Variants in PREX2 observed in about 807,000 individuals in gnomAD.
The protein encoded by PREX2 is phosphatidylinositol 3,4,5-trisphosphate-dependent Rac exchanger 2 protein.
Under a neutral mutation model 203.2 loss-of-function variants are expected in PREX2, and 107 were observed. That is an observed-to-expected ratio of 0.53 (90% CI 0.45 to 0.62). The LOEUF is 0.62. Ranked by LOEUF, PREX2 falls within the 20% of genes least tolerant of loss-of-function variation. PREX2 has a pLI of 0.00. For missense variants in PREX2, 1,777 were observed against 1,955.9 expected, an observed-to-expected ratio of 0.91 and a Z score of 1.72; for synonymous variants, 672 against 663.6, an observed-to-expected ratio of 1.01 and a Z score of -0.19.
intron 32 of PREX2, among the ~76,000 whole-genome samples, chr8:68,134,851 A>G (rs1380779255): frequency 6.6e-6 from 1 of 152,370 alleles, no homozygotes. Context: ...CACAGTGGAT[A>G]TGATGAAAGC....
intron 39 of PREX2, among the ~76,000 whole-genome samples, chr8:68,230,618 G>C (rs73683417): frequency 0.11 from 16,047 of 152,110 alleles, 1,674 homozygotes; most frequent in East Asian, 0.45. Context: ...TTGTGTGACT[G>C]TAGTTAAACC....
chr8:68,229,494 T>C (rs1813124111), intron 39 of PREX2, among the ~76,000 whole-genome samples: 1 of 152,194 alleles, frequency 6.6e-6, no homozygotes, highest in Non-Finnish European at 1.5e-5. Flanking sequence ...ATTACAAATG[T>C]GTTTGAACTC....
intron 1 of PREX2, among the ~76,000 whole-genome samples, chr8:67,975,790 G>A (rs992480014): frequency 8.8e-5 from 11 of 124,918 alleles, no homozygotes; most frequent in Admixed American, 3.2e-4. Flanking sequence ...TGGAATCTCC[G>A]CTTCTCGGGT....
intron 35 of PREX2, among the ~76,000 whole-genome samples, chr8:68,161,546 T>C (rs1483120071): frequency 6.6e-6 from 1 of 152,188 alleles, no homozygotes; most frequent in Admixed American, 6.5e-5. Flanking sequence ...TCAGCCAACT[T>C]GATCACACAC....
chr8:67,985,926 C>T (rs536647893), intron 1 of PREX2, among the ~76,000 whole-genome samples: 1 of 152,096 alleles, frequency 6.6e-6, no homozygotes, highest in Non-Finnish European at 1.5e-5. Context: ...TGGTTTCTAG[C>T]AGGGAACACA....
At position 68,234,895 on chromosome 8, in the gene PREX2, A is replaced by G. The variant is rs1013710207; in HGVS notation, c.*3517A>G. On this transcript the variant is annotated 3_prime_UTR_variant, in exon 40 of 40. Transcript: ENST00000288368. ...TTAATTTAAATTTTGGGATCATTACATTCAGAATGAAATGAAATTGACCTT... is the reference window on the plus strand; with the variant it reads ...TTAATTTAAATTTTGGGATCATTACGTTCAGAATGAAATGAAATTGACCTT... The G allele has an allele frequency of 6.6e-6, 1 of 152,190 alleles. No individual in the cohort carries two copies. Among genetic ancestry groups the G allele is most frequent in the East Asian group, 1.9e-4 (1 of 5,194 alleles). The allele number at this position is 152,190 out of a possible 1,614,324, so 9.4% of individuals were successfully genotyped here.
chr8:67,960,087 C>G (rs1805593347), intron 1 of PREX2, among the ~76,000 whole-genome samples: 1 of 152,066 alleles, frequency 6.6e-6, no homozygotes, highest in Non-Finnish European at 1.5e-5. Flanking sequence ...ATCGCCCAGG[C>G]TGGAGTGCAG....
chr8:68,127,965 A>C (rs1810928635), intron 31 of PREX2, among the ~76,000 whole-genome samples: 1 of 152,208 alleles, frequency 6.6e-6, no homozygotes, highest in South Asian at 2.1e-4. Context: ...GCAAATGCCT[A>C]AAATAGTGGC....
intron 14 of PREX2, among the ~76,000 whole-genome samples, chr8:68,076,909 G>A (rs367740237): frequency 6.6e-6 from 1 of 151,912 alleles, no homozygotes; most frequent in South Asian, 2.1e-4. Flanking sequence ...CGATTTACTT[G>A]TAAGGTCTTA....
intron 39 of PREX2, among the ~76,000 whole-genome samples, chr8:68,230,778 G>A (rs1813152971): frequency 6.6e-6 from 1 of 152,104 alleles, no homozygotes; most frequent in Non-Finnish European, 1.5e-5. Context: ...GCAGAGCTGG[G>A]TAATTTATCC....
Position 68,080,604 on chromosome 8 carries a change from T to C in PREX2, c.1785+19T>C. 6.4e-7 allele frequency: 1 copy of C among 1,568,360 alleles called. No homozygotes were observed. The highest frequency in any genetic ancestry group is 8.7e-7 in the Non-Finnish European group (1 of 1,149,182). ...ATTATTGGTAAGTTTATTGATATGTTATATAAGTTTTCTTCTTGATTAGAC... is the reference window on the plus strand; with the variant it reads ...ATTATTGGTAAGTTTATTGATATGTCATATAAGTTTTCTTCTTGATTAGAC... On this transcript the variant is annotated intron_variant, in intron 16 of 39. Coordinates refer to ENST00000288368, the MANE Select transcript of PREX2 (RefSeq NM_024870.4).
intron 37 of PREX2, among the ~76,000 whole-genome samples, chr8:68,204,538 A>T (rs1033764948): frequency 6.6e-6 from 1 of 151,920 alleles, no homozygotes; most frequent in African/African-American, 2.4e-5. Flanking sequence ...TGGAGTATTC[A>T]ATCAAGTTCT....
At chr8:68,161,809 G>A (rs1811660111) in intron 35 of PREX2, among the ~76,000 whole-genome samples, 1 of 151,972 alleles carries the variant, frequency 6.6e-6, no homozygotes, top group Non-Finnish European at 1.5e-5. Flanking sequence ...TACACATACT[G>A]ATTACAGTTT....
intron 31 of PREX2, among the ~76,000 whole-genome samples, chr8:68,131,611 G>A (rs920845746): frequency 2.0e-5 from 3 of 152,168 alleles, no homozygotes; most frequent in Non-Finnish European, 4.4e-5. Context: ...TGATAAAGAG[G>A]TTGAAGGAAA....
intron 1 of PREX2, among the ~76,000 whole-genome samples, chr8:67,953,867 A>T (rs1380721130): frequency 6.6e-6 from 1 of 152,212 alleles, no homozygotes; most frequent in Admixed American, 6.5e-5. Context: ...TCAAAAAAGT[A>T]TGTTTTTAAG....
chr8:68,105,096 T>G, intron 23 of PREX2: 2 of 1,355,574 alleles, frequency 1.5e-6, no homozygotes, highest in Middle Eastern at 2.1e-4. Flanking sequence ...TTCTCATGCA[T>G]GAACCACCAT....
intron 1 of PREX2, among the ~76,000 whole-genome samples, chr8:68,011,691 A>G (rs775580133): frequency 6.6e-5 from 10 of 152,064 alleles, no homozygotes; most frequent in Admixed American, 2.0e-4. Flanking sequence ...TTAACCACAT[A>G]GTGTTGTGTT....
chr8:68,011,642 A>T (rs1424772940), intron 1 of PREX2, among the ~76,000 whole-genome samples: 1 of 151,468 alleles, frequency 6.6e-6, no homozygotes, highest in African/African-American at 2.4e-5. Context: ...TTATATGAAT[A>T]CTCTTATTTT....
chr8:68,008,746 A>G (rs1022652444), intron 1 of PREX2, among the ~76,000 whole-genome samples: 2 of 152,014 alleles, frequency 1.3e-5, no homozygotes, highest in African/African-American at 4.8e-5. Context: ...TAGTGAATAA[A>G]TCTCATGAGA....
Sources: allele counts gnomAD v4.1 joint callset (sites outside exome capture counted in the v4.1 genomes callset), GRCh38; gene constraint gnomAD v4.1.1; transcripts MANE v1.5; gene names NCBI Gene and HGNC (gene_info 2026-07-23, HGNC 2026-07-21).